The following EP300 variants were observed in gnomAD, a reference collection of about 807,000 sequenced individuals.
EP300 encodes EP300 lysine acetyltransferase.
In EP300, 31 loss-of-function variants were observed where a neutral mutation model predicts 264.0. That is an observed-to-expected ratio of 0.12 (90% confidence interval 0.09 to 0.16). EP300 has a LOEUF of 0.16. Among genes scored for constraint, EP300 ranks in the 10% least tolerant of loss-of-function variants. EP300 has a pLI of 1.00. For synonymous variants in EP300, 1,340 were observed against 1,045.4 expected, an observed-to-expected ratio of 1.28 and a Z score of -5.44; for missense variants, 2,766 against 3,052.9, an observed-to-expected ratio of 0.91 and a Z score of 2.21.
chr22:41,145,557 T>C (rs1428767834), intron 10 of EP300, among the ~76,000 whole-genome samples: 1 of 152,266 alleles, frequency 6.6e-6, no homozygotes, highest in African/African-American at 2.4e-5. Flanking sequence ...CTGTGCACTA[T>C]GTTGAAAGTA....
At chr22:41,142,756 G>A (rs1341730579) in intron 10 of EP300, among the ~76,000 whole-genome samples, 1 of 152,062 alleles carries the variant, frequency 6.6e-6, no homozygotes, top group African/African-American at 2.4e-5. Flanking sequence ...CATGGTGGCG[G>A]GCACCTGTAG....
At chr22:41,176,057 A>G in intron 29 of EP300, 190 bp from the exon 30 acceptor site, 1 of 661,112 alleles carries the variant, frequency 1.5e-6, no homozygotes, top group South Asian at 1.9e-5. Flanking sequence ...TCGTCTCTAC[A>G]AAAAATGCAG....
At chr22:41,171,019 C>G (rs1348634197) in intron 27 of EP300, among the ~76,000 whole-genome samples, 2 of 147,212 alleles carry the variant, frequency 1.4e-5, no homozygotes, top group Non-Finnish European at 3.0e-5. Flanking sequence ...CATGTAATTC[C>G]TAAAAATGCT....
intron 9 of EP300, 43 bp downstream of exon 9, chr22:41,140,300 T>G: frequency 2.8e-5 from 37 of 1,312,240 alleles, no homozygotes; most frequent in Non-Finnish European, 4.1e-5. Context: ...AGATTGAACC[T>G]GTTGTGGTTA....
At chr22:41,167,580 GTGTGTA>G (rs1165430847) in intron 23 of EP300, among the ~76,000 whole-genome samples, 15 of 30,176 alleles carry the variant, frequency 5.0e-4, no homozygotes, top group African/African-American at 1.6e-3. Flanking sequence ...GTGTGTGTGT[GTGTGTA>G]TATATATATA....
In EP300 at chr22:41,143,083, C is replaced by T. The variant is rs541103963; in HGVS notation, c.2053+1861C>T. Reference sequence around the variant, plus strand: ...GTATCAGCCTTAAGTATATGTTGACCTTTAGCTCGTACTAAATCTGACATT... The same window carrying T: ...GTATCAGCCTTAAGTATATGTTGACTTTTAGCTCGTACTAAATCTGACATT... On this transcript the variant is annotated intron_variant, in intron 10 of 30. Transcript: ENST00000263253. Among the ~76,000 whole-genome samples the T allele has an allele frequency of 7.2e-5, 11 of 152,258 alleles. No homozygotes were observed. The South Asian group carries it at 2.1e-3, about 29-fold the overall frequency.
chr22:41,134,168 T>C (rs1026919941), intron 6 of EP300, among the ~76,000 whole-genome samples: 14 of 150,654 alleles, frequency 9.3e-5, no homozygotes, highest in African/African-American at 2.7e-4. Flanking sequence ...CTTTTCTTTT[T>C]TTTTTTTTTT....
intron 4 of EP300, among the ~76,000 whole-genome samples, chr22:41,128,519 G>GT (rs1365589234): frequency 6.6e-6 from 1 of 151,926 alleles, no homozygotes; most frequent in Non-Finnish European, 1.5e-5. Context: ...TTATTTATTT[G>GT]TTTTTTGAGA....
intron 26 of EP300, 27 bp from the exon 27 acceptor site, chr22:41,170,379 T>C: frequency 2.5e-6 from 4 of 1,606,040 alleles, no homozygotes; most frequent in Non-Finnish European, 3.4e-6. Context: ...CTCTTTTCCT[T>C]AATGTTCTTT....
chr22:41,176,182 T>C (rs2059199364), intron 29 of EP300, 65 bp from the exon 30 acceptor site: 2 of 1,595,156 alleles, frequency 1.3e-6, no homozygotes, highest in Non-Finnish European at 8.6e-7. Context: ...ATCACGCCAC[T>C]GCATTCCAGC....
chr22:41,155,983 T>G (rs79872094), intron 17 of EP300, among the ~76,000 whole-genome samples: 2,884 of 152,242 alleles, frequency 0.019, 86 homozygotes, highest in African/African-American at 0.067. Flanking sequence ...CTGGGTTATA[T>G]AGTTTGTTTA....
chr22:41,151,421 C>G (rs577681650), intron 14 of EP300, among the ~76,000 whole-genome samples: 3 of 152,170 alleles, frequency 2.0e-5, no homozygotes, highest in African/African-American at 7.2e-5. Flanking sequence ...TCTGGGACAT[C>G]ATTATATTTA....
In EP300 at chr22:41,147,972, C is replaced by T. The variant is rs376544181; in HGVS notation, c.2241+26C>T. On this transcript the variant is annotated intron_variant, in intron 12 of 30. Transcript: ENST00000263253. The stretch of plus-strand genomic sequence containing the variant: ...GTTAGTTTGACGTCTTTGGTAATCT[C>T]TTTGGCCTTTACCTGGTATTTTGAA... The T allele has an allele frequency of 2.6e-6, 4 of 1,514,688 alleles. No individual in the cohort carries two copies. The African/African-American group carries it at 4.2e-5, about 16-fold the overall frequency. 93.8% of individuals were successfully genotyped at this position (1,514,688 alleles called of 1,614,324 possible). A position where few individuals can be genotyped will look rare whatever the true frequency, so the allele number is the denominator to read the frequency against.
intron 1 of EP300, among the ~76,000 whole-genome samples, chr22:41,093,822 C>T (rs1259832435): frequency 1.3e-5 from 2 of 152,176 alleles, no homozygotes; most frequent in Admixed American, 6.5e-5. Flanking sequence ...GTCACTTTCT[C>T]ATTTTAGGGG....
At chr22:41,147,523 G>T (rs1305880477) in intron 11 of EP300, among the ~76,000 whole-genome samples, 1 of 152,044 alleles carries the variant, frequency 6.6e-6, no homozygotes, top group Non-Finnish European at 1.5e-5. Context: ...AGATCACAAG[G>T]TCAGGAGATA....
intron 1 of EP300, among the ~76,000 whole-genome samples, chr22:41,095,965 A>G (rs1358465208): frequency 6.6e-6 from 1 of 152,220 alleles, no homozygotes; most frequent in Admixed American, 6.5e-5. Context: ...AAAAATTTCC[A>G]GGTTGATTCA....
chr22:41,178,390 A>G lies in EP300; in HGVS notation c.6679A>G (p.Met2227Val), dbSNP rs777828940. Residue 2227 changes from methionine (M) to valine (V), a missense_variant, in exon 31 of 31, where the codon ATG becomes GTG. Met to Val is a conservative substitution (Grantham distance 21). Coordinates refer to ENST00000263253, the MANE Select transcript of EP300 (RefSeq NM_001429.4). ...VGYPPQQQQR[M>V]QHHMQQMQQG... ...CTACCCACCACAGCAGCAGCAGCGG[A>G]TGCAGCATCACATGCAACAGATGCA... is the stretch of plus-strand genomic sequence containing the variant. 1.2e-6 allele frequency: 2 copies of G among 1,614,170 alleles called. No homozygotes were observed. Among genetic ancestry groups the G allele is most frequent in the Middle Eastern group, 1.6e-4 (1 of 6,062 alleles).
At chr22:41,155,168 T>G in intron 17 of EP300, 55 bp downstream of exon 17, 1 of 1,238,484 alleles carries the variant, frequency 8.1e-7, no homozygotes, top group Non-Finnish European at 1.2e-6. Flanking sequence ...ACAGCTTTAT[T>G]GAGAGATAAT....
intron 1 of EP300, among the ~76,000 whole-genome samples, chr22:41,113,351 G>A (rs1481759517): frequency 6.6e-6 from 1 of 151,372 alleles, no homozygotes; most frequent in East Asian, 1.9e-4. Context: ...CTTGAAGTTC[G>A]TCTTTTGTTA....
Sources: gnomAD v4.1 joint callset for allele counts (sites outside exome capture counted in the v4.1 genomes callset) on GRCh38, gnomAD v4.1.1 for gene constraint, MANE v1.5 for transcripts, NCBI Gene and HGNC (gene_info 2026-07-23, HGNC 2026-07-21) for gene names.